GPR179: variants seen among roughly 807,000 people sequenced by gnomAD.
GPR179 encodes probable G protein-coupled receptor 179.
Under a neutral mutation model 70.8 loss-of-function variants are expected in GPR179, and 52 were observed. The ratio of observed to expected loss-of-function variants is 0.73; its 90% CI spans 0.59 to 0.93. GPR179 has a LOEUF of 0.93. Among genes scored for constraint, GPR179 ranks in the 40% least tolerant of loss-of-function variants. The probability of loss-of-function intolerance (pLI) is 0.00; values close to 1 mark genes in which losing one functional copy is unlikely to be tolerated. For missense variants in GPR179, 2,734 were observed against 2,966.8 expected (o/e 0.92, Z 1.82); for synonymous variants, 1,123 against 1,169.0 (o/e 0.96, Z 0.80).
In GPR179 at chr17:38,329,204, C is replaced by T. The variant is rs2037324482; in HGVS notation, c.4365G>A (p.Leu1455=). 3 of 1,613,832 alleles carry T rather than the reference C, an allele frequency of 1.9e-6. No individual in the cohort carries two copies. Among genetic ancestry groups the T allele is most frequent in the Non-Finnish European group, 2.5e-6 (3 of 1,179,960 alleles). Residue 1455 remains leucine (L), a synonymous_variant, in exon 11 of 11, where the codon TTG becomes TTA. Coordinates refer to ENST00000616987, the MANE Select transcript of GPR179 (RefSeq NM_001004334.4). ...GACACACTTCAGCAATGCCACTGCCCAAACTCCCTGAACACTCTGAGCTTC... is the reference window on the plus strand; with the variant it reads ...GACACACTTCAGCAATGCCACTGCCTAAACTCCCTGAACACTCTGAGCTTC... The part of the protein sequence containing the change: ...APGSSECSGS[L]GSGIAEVCLW...
Position 38,327,848 on chromosome 17 carries a change from G to A in GPR179, c.5721C>T (p.Ser1907=), listed in dbSNP as rs761426462. The A allele has an allele frequency of 1.5e-5, 24 of 1,614,050 alleles. No individual in the cohort carries two copies. In the African/African-American group the frequency reaches 2.9e-4, roughly 20 times the overall value. ...SMSSEVAEGH[S]LEATEKGDLR... ...GGTCCCCCTTCTCTGTTGCTTCCAA[G>A]GAATGTCCCTCTGCCACTTCACTAC... Residue 1907 remains serine, a synonymous_variant, in exon 11 of 11, where the codon TCC becomes TCT. Coordinates refer to ENST00000616987, the MANE Select transcript of GPR179 (RefSeq NM_001004334.4).
At position 38,338,436 on chromosome 17, in the gene GPR179, C is replaced by T. The variant is rs144595473; in HGVS notation, c.904-716G>A. ...GGGTTAACCTTGGAAGATTCTATAT[C>T]GAGCCCCTGACCTCACTTAGTAGGG... On this transcript the variant is annotated intron_variant, in intron 2 of 10. Transcript: ENST00000616987. 9.8e-4 allele frequency among the ~76,000 whole-genome samples: 150 copies of T among 152,302 alleles called. 1 individual carries two copies. The Middle Eastern group carries it at 0.01, about 10-fold the overall frequency.
At chr17:38,337,961 T>C (rs2037420447) in intron 2 of GPR179, among the ~76,000 whole-genome samples, 1 of 152,212 alleles carries the variant, frequency 6.6e-6, no homozygotes, top group South Asian at 2.1e-4. Flanking sequence ...CAGGGAGAAA[T>C]CACCCTTTTG....
In GPR179 at chr17:38,325,314, T is replaced by G. The variant is rs539666410; in HGVS notation, c.*1151A>C. On this transcript the variant is annotated 3_prime_UTR_variant, in exon 11 of 11. Transcript: ENST00000616987. ...TCACACAGTGCCCTTTTCCCAGCTC[T>G]CAGGCTTCTAACTTGCCCTGTAGCA... is the stretch of plus-strand genomic sequence containing the variant. Among the ~76,000 whole-genome samples, 181 of 152,312 alleles carry G rather than the reference T, an allele frequency of 1.2e-3. 2 individuals carry two copies. Among genetic ancestry groups the G allele is most frequent in the African/African-American group, 4.2e-3 (174 of 41,562 alleles).
rs760952894 is a variant in GPR179, at chr17:38,327,478, C to T, written c.6091G>A (p.Gly2031Arg). Residue 2031 changes from glycine (G) to arginine (R), a missense_variant, in exon 11 of 11, where the codon GGG becomes AGG. Coordinates refer to ENST00000616987, the MANE Select transcript of GPR179 (RefSeq NM_001004334.4). ...CCTTTTCCATCCTGCCTTGACACCC[C>T]TTTGACAGGGATTCTTTCAGTCACT... The part of the protein sequence containing the change: ...WEVTERIPVK[G>R]VSRQDGKGDS... 1 of 1,614,248 alleles carries T rather than the reference C, an allele frequency of 6.2e-7. No individual in the cohort carries two copies. The highest frequency in any genetic ancestry group is 8.5e-7 in the Non-Finnish European group (1 of 1,180,054).
Position 38,330,646 on chromosome 17 carries a change from C to CA in GPR179, c.2922dup (p.Ala975CysfsTer72). 1 of 1,595,336 alleles carries CA rather than the reference C, an allele frequency of 6.3e-7. No homozygotes were observed. The highest frequency in any genetic ancestry group is 8.6e-7 in the Non-Finnish European group (1 of 1,169,360). On this transcript the variant is annotated frameshift_variant, in exon 11 of 11. Transcript: ENST00000616987. LOFTEE classifies it low-confidence loss of function (END_TRUNC). Reference sequence around the variant, plus strand: ...GGGGATACTGGGACTGGTGCCAGGGCAGGGGCTGGGGTTGGAGCTAGAGCT... The same window carrying CA: ...GGGGATACTGGGACTGGTGCCAGGGCAAGGGGCTGGGGTTGGAGCTAGAGCT...
intron 1 of GPR179, among the ~76,000 whole-genome samples, 184 bp from the exon 2 acceptor site, chr17:38,339,709 T>C (rs2037434334): frequency 6.6e-6 from 1 of 152,206 alleles, no homozygotes; most frequent in Non-Finnish European, 1.5e-5. Flanking sequence ...TCTCCTTCTC[T>C]CTTGTCTCCT....
rs890899427 is a variant in GPR179, at chr17:38,326,284, T to C, written c.*181A>G. 3.7e-6 allele frequency: 2 copies of C among 541,146 alleles called. No homozygotes were observed. The highest frequency in any genetic ancestry group is 3.3e-5 in the Admixed American group (1 of 30,108). 33.5% of individuals were successfully genotyped at this position (541,146 alleles called of 1,614,324 possible). A position where few individuals can be genotyped will look rare whatever the true frequency, so the allele number is the denominator to read the frequency against. ...AGTAAAGAGAGGGTGGGCCTTCCCA[T>C]TGGGGTCTAAGCTGTACCCTTTTCA... On this transcript the variant is annotated 3_prime_UTR_variant, in exon 11 of 11. Transcript: ENST00000616987.
rs990209963 is a variant in GPR179 at position 38,337,286 on chromosome 17, T to C, written c.992-73A>G. The C allele has an allele frequency of 1.6e-5, 24 of 1,497,342 alleles. No homozygotes were observed. In the African/African-American group the frequency reaches 2.9e-4, roughly 18 times the overall value. The allele number at this position is 1,497,342 out of a possible 1,614,324, so 92.8% of individuals were successfully genotyped here. A position where few individuals can be genotyped will look rare whatever the true frequency, so the allele number is the denominator to read the frequency against. The stretch of plus-strand genomic sequence containing the variant: ...CCTGACATCCCAGCCTTTTCCCTGA[T>C]AGTCACCACAGCCCTCTCCCTGTTC... On this transcript the variant is annotated intron_variant, in intron 3 of 10. Coordinates refer to ENST00000616987, the MANE Select transcript of GPR179 (RefSeq NM_001004334.4).
Position 38,328,493 on chromosome 17 carries a change from A to G in GPR179, c.5076T>C (p.Asp1692=). Residue 1692 remains aspartate (D), a synonymous_variant, in exon 11 of 11, where the codon GAT becomes GAC. Transcript: ENST00000616987. ...TCCCAGCAGTCAAGTTTTCCTCCAC[A>G]TCCAAAGGGCAAATGTCGGCAGCTT... ...GSKAADICPL[D]VEENLTAGKA... The G allele has an allele frequency of 1.2e-6, 2 of 1,611,390 alleles. No individual in the cohort carries two copies. The highest frequency in any genetic ancestry group is 2.2e-5 in the South Asian group (2 of 90,952).
At position 38,327,641 on chromosome 17, in the gene GPR179, G is replaced by A; in HGVS notation, c.5928C>T (p.Arg1976=). 1 of 1,614,218 alleles carries A rather than the reference G, an allele frequency of 6.2e-7. No homozygotes were observed. The highest frequency in any genetic ancestry group is 8.5e-7 in the Non-Finnish European group (1 of 1,180,040). ...GGGAGCTAGCTTTAGGTTGGTCAGG[G>A]CGCTGTCTGTCTAGGTGAGAGACGG... ...ADSVSHLDRQ[R]PDQPKASSQR... is the part of the protein sequence containing the mutation. The change falls in exon 11 of 11, where the codon CGC becomes CGT. Residue 1976 remains arginine (R), a synonymous_variant. Transcript: ENST00000616987.
intron 2 of GPR179, among the ~76,000 whole-genome samples, chr17:38,338,163 C>A (rs1028071898): frequency 4.6e-5 from 7 of 152,218 alleles, no homozygotes; most frequent in Admixed American, 1.3e-4. Flanking sequence ...AAAGGCCCCC[C>A]ACGGAGGAGC....
chr17:38,336,849 GCTACAC>G, intron 4 of GPR179, 123 bp downstream of exon 4: 3 of 957,724 alleles, frequency 3.1e-6, no homozygotes, highest in Non-Finnish European at 4.6e-6. Context: ...CTTGCATCAT[GCTACAC>G]AGTGAGTTAG....
chr17:38,327,698 G>A lies in GPR179; in HGVS notation c.5871C>T (p.Val1957=). Reference sequence around the variant, plus strand: ...CTGGGGCAGTGGTCTCCCATGGACAGACGGATTGTAGCTCATGGCTTGTTT... The same window carrying A: ...CTGGGGCAGTGGTCTCCCATGGACAAACGGATTGTAGCTCATGGCTTGTTT... The part of the protein sequence containing the change: ...GEKTSHELQS[V]CPWETTAPAD... The change falls in exon 11 of 11, where the codon GTC becomes GTT. Residue 1957 remains valine, a synonymous_variant. Coordinates refer to ENST00000616987, the MANE Select transcript of GPR179 (RefSeq NM_001004334.4). 1 of 1,614,236 alleles carries A rather than the reference G, an allele frequency of 6.2e-7. No individual in the cohort carries two copies. Among genetic ancestry groups the A allele is most frequent in the Non-Finnish European group, 8.5e-7 (1 of 1,180,036 alleles).
At chr17:38,339,587 T>C (rs1306948213) in intron 1 of GPR179, 62 bp from the exon 2 acceptor site, 1 of 1,150,006 alleles carries the variant, frequency 8.7e-7, no homozygotes, top group East Asian at 2.4e-5. Flanking sequence ...CGTGTGTCCC[T>C]GGGCGTTGTT....
Position 38,335,643 on chromosome 17 carries a change from G to T in GPR179, c.1354C>A (p.Arg452=), listed in dbSNP as rs1397355177. 1.9e-6 allele frequency: 3 copies of T among 1,613,964 alleles called. No individual in the cohort carries two copies. Among genetic ancestry groups the T allele is most frequent in the Non-Finnish European group, 2.5e-6 (3 of 1,179,932 alleles). The part of the protein sequence containing the change: ...VFRCIALRWV[R]LLGFAIVYGT... Reference sequence around the variant, plus strand: ...TAGACGATGGCAAAACCCAGCAGCCGCACCCAGCGAAGAGCGATGCAGCGG... The same window carrying T: ...TAGACGATGGCAAAACCCAGCAGCCTCACCCAGCGAAGAGCGATGCAGCGG... Residue 452 remains arginine (R), a synonymous_variant, in exon 6 of 11, where the codon CGG becomes AGG. Coordinates refer to ENST00000616987, the MANE Select transcript of GPR179 (RefSeq NM_001004334.4).
Position 38,343,919 on chromosome 17 carries a change from T to C in GPR179, c.-130A>G. The C allele has an allele frequency of 1.4e-6, 1 of 735,996 alleles. No individual in the cohort carries two copies. Among genetic ancestry groups the C allele is most frequent in the South Asian group, 2.4e-5 (1 of 41,956 alleles). The allele number at this position is 735,996 out of a possible 1,614,324, so 45.6% of individuals were successfully genotyped here. ...TTCCTTCTTCCTCTCTCCGTCTCCCTCTCACGCTGGTGCCAGCTCGCCTGC... is the reference window on the plus strand; with the variant it reads ...TTCCTTCTTCCTCTCTCCGTCTCCCCCTCACGCTGGTGCCAGCTCGCCTGC... On this transcript the variant is annotated 5_prime_UTR_variant, in exon 1 of 11. Transcript: ENST00000616987. The surrounding 1 kb of genome is among the most constrained non-coding windows in gnomAD (Gnocchi z 4.2).
Position 38,331,533 on chromosome 17 carries a change from T to G in GPR179, c.2038-2A>C. 1 of 1,596,592 alleles carries G rather than the reference T, an allele frequency of 6.3e-7. No homozygotes were observed. Among genetic ancestry groups the G allele is most frequent in the Middle Eastern group, 1.7e-4 (1 of 5,976 alleles). ...GGCATAGAGCTTCTTCAGCTCGTCC[T>G]GTGGGGCAGCAGGGAGGAAAGCAGG... On this transcript the variant is annotated splice_acceptor_variant, in intron 10 of 10. Transcript: ENST00000616987. LOFTEE classifies it high-confidence loss of function.
chr17:38,337,547 C>A, intron 3 of GPR179, 86 bp downstream of exon 3: 2 of 1,192,936 alleles, frequency 1.7e-6, no homozygotes, highest in South Asian at 1.3e-5. Flanking sequence ...AGTGTCTCAC[C>A]CCAATCTGGC....
Sources: allele counts gnomAD v4.1 joint callset (sites outside exome capture counted in the v4.1 genomes callset), GRCh38; gene constraint gnomAD v4.1.1; non-coding constraint Gnocchi (gnomAD v3.1); transcripts MANE v1.5; gene names NCBI Gene and HGNC (gene_info 2026-07-23, HGNC 2026-07-21).